The following GPR39 variants were observed in gnomAD, a reference collection of about 807,000 sequenced individuals.
The protein encoded by GPR39 is G protein-coupled receptor 39, also known as zinc sensing receptor.
Under a neutral mutation model 18.4 loss-of-function variants are expected in GPR39, and 23 were observed. The ratio of observed to expected loss-of-function variants is 1.25; its 90% CI spans 0.90 to 1.77. The LOEUF (loss-of-function observed/expected upper bound fraction) is 1.77, where lower values mean the gene tolerates loss of function less well. GPR39 is among the 40% of genes most tolerant of loss of function. The pLI, the probability that GPR39 is intolerant of heterozygous loss-of-function variation, is 0.00. For synonymous variants in GPR39, 280 were observed against 257.9 expected, an observed-to-expected ratio of 1.09 and a Z score of -0.82; for missense variants, 647 against 602.4, an observed-to-expected ratio of 1.07 and a Z score of -0.78.
At chr2:132,509,664 G>T (rs1679204828) in intron 1 of GPR39, among the ~76,000 whole-genome samples, 1 of 152,170 alleles carries the variant, frequency 6.6e-6, no homozygotes, top group South Asian at 2.1e-4. Flanking sequence ...TCTGTGAGTA[G>T]GTATAATGAC....
intron 1 of GPR39, among the ~76,000 whole-genome samples, chr2:132,479,399 T>C (rs1558810502): frequency 6.6e-6 from 1 of 152,174 alleles, no homozygotes; most frequent in South Asian, 2.1e-4. Flanking sequence ...CTGTAAATAT[T>C]TGCAGAAGGA....
intron 1 of GPR39, among the ~76,000 whole-genome samples, chr2:132,577,399 T>A (rs1023270378): frequency 2.0e-5 from 3 of 152,188 alleles, no homozygotes; most frequent in Non-Finnish European, 2.9e-5. Context: ...AATATAAATA[T>A]TAGAATAACC....
At chr2:132,580,201 G>T (rs1680598884) in intron 1 of GPR39, among the ~76,000 whole-genome samples, 1 of 152,274 alleles carries the variant, frequency 6.6e-6, no homozygotes, top group East Asian at 1.9e-4. Context: ...AAATCTCTCA[G>T]GATTGTTTTA....
intron 1 of GPR39, among the ~76,000 whole-genome samples, chr2:132,489,615 T>C (rs1403036452): frequency 1.3e-5 from 2 of 151,972 alleles, no homozygotes; most frequent in Non-Finnish European, 2.9e-5. Flanking sequence ...TATGCATGGC[T>C]GGGGTGGGGA....
intron 1 of GPR39, among the ~76,000 whole-genome samples, chr2:132,598,620 G>A (rs111771303): frequency 1.8e-4 from 27 of 152,074 alleles, no homozygotes; most frequent in Middle Eastern, 3.4e-3. Context: ...CTGGGGAAAG[G>A]CTATGCTGCT....
chr2:132,435,794 A>G (rs571107267), intron 1 of GPR39, among the ~76,000 whole-genome samples: 14 of 152,350 alleles, frequency 9.2e-5, no homozygotes, highest in African/African-American at 3.1e-4. Flanking sequence ...GTTTGTCTCA[A>G]AAGTCCCCAT....
At chr2:132,428,163 T>C (rs953275287) in intron 1 of GPR39, among the ~76,000 whole-genome samples, 1 of 152,016 alleles carries the variant, frequency 6.6e-6, no homozygotes, top group Non-Finnish European at 1.5e-5. Flanking sequence ...TCCTCATTAT[T>C]GAATCTCTTA....
At chr2:132,465,212 T>C (rs1423151987) in intron 1 of GPR39, among the ~76,000 whole-genome samples, 2 of 152,308 alleles carry the variant, frequency 1.3e-5, no homozygotes, top group South Asian at 4.1e-4. Flanking sequence ...AGAAGTCCCT[T>C]TGTCCTGATC....
chr2:132,561,576 G>GCA (rs1258720572), intron 1 of GPR39, among the ~76,000 whole-genome samples: 2 of 95,692 alleles, frequency 2.1e-5, no homozygotes, highest in South Asian at 3.7e-4. Flanking sequence ...GAATATGAGT[G>GCA]TACACACACA....
intron 1 of GPR39, among the ~76,000 whole-genome samples, chr2:132,612,647 C>CAGATA (rs1681256288): frequency 1.3e-5 from 2 of 152,116 alleles, no homozygotes; most frequent in Admixed American, 1.3e-4. Flanking sequence ...AATCAGGTGA[C>CAGATA]CTTATATGTA....
chr2:132,607,515 A>G (rs576989845), intron 1 of GPR39, among the ~76,000 whole-genome samples: 1 of 152,190 alleles, frequency 6.6e-6, no homozygotes, highest in South Asian at 2.1e-4. Flanking sequence ...TTTGAAATTG[A>G]TGCTTGTCTA....
At chr2:132,585,753 CTAA>C (rs1680713115) in intron 1 of GPR39, among the ~76,000 whole-genome samples, 1 of 151,984 alleles carries the variant, frequency 6.6e-6, no homozygotes, top group Non-Finnish European at 1.5e-5. Flanking sequence ...CCGGTGTTTT[CTAA>C]TAACTCCCTC....
At chr2:132,447,175 T>A (rs1680551878) in intron 1 of GPR39, among the ~76,000 whole-genome samples, 1 of 152,168 alleles carries the variant, frequency 6.6e-6, no homozygotes. Context: ...ATCCCTTCTG[T>A]CATTCATTAA....
At chr2:132,629,962 G>A (rs1033363162) in intron 1 of GPR39, among the ~76,000 whole-genome samples, 3 of 152,152 alleles carry the variant, frequency 2.0e-5, no homozygotes, top group Admixed American at 1.3e-4. Context: ...TTGGTTCAAC[G>A]ATAGTGCGTC....
rs1035770354 is a variant in GPR39 at position 132,421,767 on chromosome 2, A to G, written c.856+3869A>G. Among the ~76,000 whole-genome samples the G allele has an allele frequency of 2.0e-5, 3 of 152,270 alleles. No individual in the cohort carries two copies. The East Asian group carries it at 5.8e-4, about 29-fold the overall frequency. On this transcript the variant is annotated intron_variant, in intron 1 of 1. Coordinates refer to ENST00000329321, the MANE Select transcript of GPR39 (RefSeq NM_001508.3). ...GCAAAGAGAAGGAGCTCAGAATCAC[A>G]TCCTCTGGGTTTTTAGACCACAGAA... is the stretch of plus-strand genomic sequence containing the variant.
At chr2:132,444,647 G>A (rs1342242032) in intron 1 of GPR39, among the ~76,000 whole-genome samples, 2 of 152,166 alleles carry the variant, frequency 1.3e-5, no homozygotes, top group African/African-American at 4.8e-5. Context: ...ATCTGCTGGA[G>A]TCTGGCAGTG....
chr2:132,585,176 C>A (rs989044658), intron 1 of GPR39, among the ~76,000 whole-genome samples: 1 of 152,172 alleles, frequency 6.6e-6, no homozygotes, highest in Non-Finnish European at 1.5e-5. Context: ...ACAACAATCC[C>A]TACTGCACCC....
chr2:132,474,819 T>C (rs972547860), intron 1 of GPR39, among the ~76,000 whole-genome samples: 7 of 152,206 alleles, frequency 4.6e-5, no homozygotes, highest in African/African-American at 1.7e-4. Flanking sequence ...TTCATGGCAA[T>C]TCCTGCCTGC....
intron 1 of GPR39, among the ~76,000 whole-genome samples, chr2:132,491,729 G>C (rs559956293): frequency 6.6e-6 from 1 of 151,918 alleles, no homozygotes; most frequent in Non-Finnish European, 1.5e-5. Flanking sequence ...TCAGTAAAAA[G>C]CAGTGGTATT....
Sources: gnomAD v4.1 joint callset for allele counts (sites outside exome capture counted in the v4.1 genomes callset) on GRCh38, gnomAD v4.1.1 for gene constraint, MANE v1.5 for transcripts, NCBI Gene and HGNC (gene_info 2026-07-23, HGNC 2026-07-21) for gene names.